ABCC12: variants seen among roughly 807,000 people sequenced by gnomAD.
The protein encoded by ABCC12 is ATP-binding cassette sub-family C member 12.
A neutral mutation model predicts 151.1 loss-of-function variants in ABCC12; 142 were observed. The observed-to-expected ratio is 0.94, with a 90% CI of 0.82 to 1.08. The LOEUF (loss-of-function observed/expected upper bound fraction) is 1.08. Ranked by LOEUF, ABCC12 falls within the 50% of genes least tolerant of loss-of-function variation. ABCC12 has a pLI of 0.00. For synonymous variants in ABCC12, 645 were observed against 646.4 expected (o/e 1.00, Z 0.03); for missense variants, 1,638 against 1,691.1 (o/e 0.97, Z 0.55).
intron 6 of ABCC12, 82 bp from the exon 7 acceptor site, chr16:48,139,418 G>C (rs1964728939): frequency 7.0e-7 from 1 of 1,436,006 alleles, no homozygotes; most frequent in Admixed American, 2.3e-5. Flanking sequence ...GATTGGCCGA[G>C]GGGATCTAGG....
Position 48,124,226 on chromosome 16 carries a change from G to C in ABCC12, c.1574C>G (p.Ala525Gly). ...CACACAGCTTACCTGTCCTAGGAGA[G>C]CTGCAAGGAGGGAGCTCTTTCCACT... ...VGSGKSSLLA[A>G]LLGQMQLQKG... The change falls in exon 12 of 31, where the codon GCT becomes GGT. Residue 525 changes from alanine to glycine, a missense_variant. Transcript: ENST00000311303. The C allele has an allele frequency of 1.2e-6, 2 of 1,614,160 alleles. No individual in the cohort carries two copies. Among genetic ancestry groups the C allele is most frequent in the South Asian group, 1.1e-5 (1 of 91,090 alleles).
At chr16:48,114,486 A>G (rs1381651255) in intron 15 of ABCC12, among the ~76,000 whole-genome samples, 3 of 152,042 alleles carry the variant, frequency 2.0e-5, no homozygotes, top group African/African-American at 7.2e-5. Context: ...CTTATGTAAC[A>G]TGTTCTCTGC....
rs114528055 is a variant in ABCC12, at chr16:48,088,771, A to T, written c.3286-37T>A. The T allele has an allele frequency of 4.4e-4, 678 of 1,545,300 alleles. 5 individuals carry two copies. The African/African-American group carries it at 7.5e-3, about 17-fold the overall frequency. On this transcript the variant is annotated intron_variant, in intron 25 of 30. Transcript: ENST00000311303. ...AATAACCAATGACCAGTGACTAGCCATTTGTTTTTTCACTTATTTAACTAA... is the reference window on the plus strand; with the variant it reads ...AATAACCAATGACCAGTGACTAGCCTTTTGTTTTTTCACTTATTTAACTAA...
At chr16:48,099,679 T>C (rs1239466340) in intron 23 of ABCC12, among the ~76,000 whole-genome samples, 1 of 152,184 alleles carries the variant, frequency 6.6e-6, no homozygotes, top group Admixed American at 6.5e-5. Context: ...TTGGGACACT[T>C]CGCTAGGGTT....
At chr16:48,133,957 T>G in intron 8 of ABCC12, 122 bp from the exon 9 acceptor site, 1 of 1,209,046 alleles carries the variant, frequency 8.3e-7, no homozygotes, top group Non-Finnish European at 1.1e-6. Flanking sequence ...GTTGTGAAGT[T>G]TAAATGAGAG....
intron 20 of ABCC12, among the ~76,000 whole-genome samples, chr16:48,106,802 T>C (rs1459236843): frequency 6.6e-6 from 1 of 152,212 alleles, no homozygotes; most frequent in African/African-American, 2.4e-5. Context: ...ACATCATTTC[T>C]TCCCAGGAAG....
At chr16:48,147,979 A>G (rs1387162992) in intron 2 of ABCC12, among the ~76,000 whole-genome samples, 1 of 152,128 alleles carries the variant, frequency 6.6e-6, no homozygotes, top group Non-Finnish European at 1.5e-5. Context: ...ACGGAGTCTC[A>G]CTCTGTCGCC....
intron 10 of ABCC12, among the ~76,000 whole-genome samples, chr16:48,129,826 T>G (rs556221357): frequency 2.0e-5 from 3 of 152,356 alleles, no homozygotes; most frequent in South Asian, 4.1e-4. Context: ...CTTTATCTAG[T>G]CTAAGGAGCA....
At chr16:48,111,974 C>G in intron 15 of ABCC12, 64 bp from the exon 16 acceptor site, 1 of 1,568,456 alleles carries the variant, frequency 6.4e-7, no homozygotes. Context: ...CCAAACTCCT[C>G]TCCAACCTTA....
intron 21 of ABCC12, 141 bp from the exon 22 acceptor site, chr16:48,104,509 A>C: frequency 1.4e-6 from 1 of 709,832 alleles, no homozygotes; most frequent in Non-Finnish European, 2.4e-6. Flanking sequence ...ATCTTGGGAA[A>C]GGGAGGATGC....
chr16:48,128,292 G>A (rs1417764198), intron 11 of ABCC12, among the ~76,000 whole-genome samples, 167 bp downstream of exon 11: 1 of 152,216 alleles, frequency 6.6e-6, no homozygotes, highest in African/African-American at 2.4e-5. Flanking sequence ...GGCCTCCAAT[G>A]TTCATGTACA....
rs776363916 is a variant in ABCC12, at chr16:48,138,300, T to C, written c.907A>G (p.Asn303Asp). ...AGCCTGATGCAGGTCAGAAACTCAT[T>C]CATTGTCTGAACTCGCTTGTCTGTC... ...LVTDKRVQTM[N>D]EFLTCIRLIK... The change falls in exon 8 of 31, where the codon AAT becomes GAT. Residue 303 changes from asparagine to aspartate, a missense_variant. Physicochemically the swap from Asn to Asp is conservative, Grantham distance 23. Transcript: ENST00000311303. 1.9e-6 allele frequency: 3 copies of C among 1,614,078 alleles called. No individual in the cohort carries two copies. The highest frequency in any genetic ancestry group is 2.5e-6 in the Non-Finnish European group (3 of 1,179,936).
chr16:48,139,198 C>G lies in ABCC12; in HGVS notation c.796G>C (p.Gly266Arg), dbSNP rs113496237. 25 of 1,612,852 alleles carry G rather than the reference C, an allele frequency of 1.6e-5. No homozygotes were observed. The highest frequency in any genetic ancestry group is 1.6e-4 in the Middle Eastern group (1 of 6,080). Residue 266 changes from glycine to arginine, a missense_variant, in exon 7 of 31, where the codon GGG becomes CGG. Physicochemically the swap from Gly to Arg is moderately radical, Grantham distance 125. Coordinates refer to ENST00000311303, the MANE Select transcript of ABCC12 (RefSeq NM_001393797.1). Reference protein sequence around the residue: ...FFILGPTALIGISVYVIFIPV... With the variant: ...FFILGPTALIRISVYVIFIPV... ...ATGAATATGACATACACTGATATCCCGATGAGAGCTGTGGGCCCCAGAATG... is the reference window on the plus strand; with the variant it reads ...ATGAATATGACATACACTGATATCCGGATGAGAGCTGTGGGCCCCAGAATG...
intron 24 of ABCC12, among the ~76,000 whole-genome samples, chr16:48,095,150 C>T (rs757617707): frequency 2.0e-5 from 3 of 152,206 alleles, no homozygotes; most frequent in Non-Finnish European, 2.9e-5. Flanking sequence ...CTGGGAGGGA[C>T]CCAGTGGGTT....
intron 2 of ABCC12, among the ~76,000 whole-genome samples, chr16:48,148,035 C>T (rs1227045504): frequency 1.3e-5 from 2 of 152,168 alleles, no homozygotes. Flanking sequence ...GCAACCTCTG[C>T]CTCCCGGGTT....
chr16:48,083,492 T>C lies in ABCC12; in HGVS notation c.*223A>G. On this transcript the variant is annotated 3_prime_UTR_variant, in exon 31 of 31. Coordinates refer to ENST00000311303, the MANE Select transcript of ABCC12 (RefSeq NM_001393797.1). Reference sequence around the variant, plus strand: ...AAGGGCAGTTTTTTAATCCATTAGCTGGGTCTGCCCCGGTTCACCACCCAG... The same window carrying C: ...AAGGGCAGTTTTTTAATCCATTAGCCGGGTCTGCCCCGGTTCACCACCCAG... The C allele has an allele frequency of 1.9e-6, 1 of 524,672 alleles. No homozygotes were observed. The allele number at this position is 524,672 out of a possible 1,614,324, so 32.5% of individuals were successfully genotyped here.
intron 23 of ABCC12, 128 bp downstream of exon 23, chr16:48,100,744 C>A (rs1722291536): frequency 1.7e-6 from 2 of 1,200,724 alleles, no homozygotes; most frequent in Non-Finnish European, 1.1e-6. Context: ...AAGGACTCCT[C>A]CTGATTCTTC....
intron 1 of ABCC12, among the ~76,000 whole-genome samples, chr16:48,155,386 A>G (rs1965171171): frequency 6.6e-6 from 1 of 152,010 alleles, no homozygotes; most frequent in Admixed American, 6.5e-5. Context: ...TAAAAAAAAA[A>G]AAAAAAGAAA....
Position 48,108,543 on chromosome 16 carries a change from C to T in ABCC12, c.2282-14G>A. On this transcript the variant is annotated splice_polypyrimidine_tract_variant and intron_variant, in intron 18 of 30. Coordinates refer to ENST00000311303, the MANE Select transcript of ABCC12 (RefSeq NM_001393797.1). ...GGTGCTCAGGAACTGTGGAGACAAA[C>T]ACAAGTGCCATGGCTCTCACCACTG... 1 of 1,612,620 alleles carries T rather than the reference C, an allele frequency of 6.2e-7. No individual in the cohort carries two copies. The highest frequency in any genetic ancestry group is 8.5e-7 in the Non-Finnish European group (1 of 1,179,034).
Sources: allele counts gnomAD v4.1 joint callset (sites outside exome capture counted in the v4.1 genomes callset), GRCh38; gene constraint gnomAD v4.1.1; transcripts MANE v1.5; gene names NCBI Gene and HGNC (gene_info 2026-07-23, HGNC 2026-07-21).